The following TYW3 variants were observed in gnomAD, a reference collection of about 807,000 sequenced individuals.
TYW3 encodes tRNA-yW synthesizing protein 3 homolog.
Under a neutral mutation model 23.1 loss-of-function variants are expected in TYW3, and 26 were observed. The ratio of observed to expected loss-of-function variants is 1.13; its 90% CI spans 0.83 to 1.56. The LOEUF is 1.56. Among genes scored for constraint, TYW3 ranks in the 40% most tolerant of loss-of-function variants. The pLI, the probability that TYW3 is intolerant of heterozygous loss-of-function variation, is 0.00. For synonymous variants in TYW3, 102 were observed against 105.7 expected, an observed-to-expected ratio of 0.97 and a Z score of 0.21; for missense variants, 316 against 311.9, an observed-to-expected ratio of 1.01 and a Z score of -0.10.
chr1:74,745,666 G>A (rs919127662), intron 3 of TYW3, among the ~76,000 whole-genome samples: 2 of 152,228 alleles, frequency 1.3e-5, no homozygotes, highest in Non-Finnish European at 2.9e-5. Flanking sequence ...AATCAAGAAT[G>A]TGATTCATAT....
intron 4 of TYW3, among the ~76,000 whole-genome samples, chr1:74,751,953 T>C (rs527417679): frequency 6.6e-6 from 1 of 152,322 alleles, no homozygotes; most frequent in South Asian, 2.1e-4. Context: ...GAGATTTCTG[T>C]TGAGGTTTTC....
intron 4 of TYW3, chr1:74,751,242 G>A (rs1648776984): frequency 1.3e-5 from 2 of 152,144 alleles, no homozygotes; most frequent in Admixed American, 1.3e-4. Flanking sequence ...CAGTGTGTGT[G>A]TATGTGTGTG....
intron 5 of TYW3, among the ~76,000 whole-genome samples, chr1:74,759,464 C>G (rs953180621): frequency 3.3e-5 from 5 of 151,574 alleles, no homozygotes; most frequent in Admixed American, 2.6e-4. Context: ...ATTGTCACAC[C>G]TTAGCCTCCC....
At chr1:74,748,727 G>T in intron 3 of TYW3, 24 bp from the exon 4 acceptor site, 2 of 1,608,220 alleles carry the variant, frequency 1.2e-6, no homozygotes, top group South Asian at 1.1e-5. Context: ...GTATCAAAAT[G>T]TAACAAGTTT....
Position 74,748,813 on chromosome 1 carries a change from A to C in TYW3, c.417A>C (p.Lys139Asn), listed in dbSNP as rs769972492. 1 of 1,614,002 alleles carries C rather than the reference A, an allele frequency of 6.2e-7. No homozygotes were observed. Among genetic ancestry groups the C allele is most frequent in the Non-Finnish European group, 8.5e-7 (1 of 1,179,924 alleles). The change falls in exon 4 of 6, where the codon AAA becomes AAC. Residue 139 changes from lysine to asparagine, a missense_variant. Transcript: ENST00000370867. ...NSGITVGKRG[K>N]TMLAVRSTHG... The stretch of plus-strand genomic sequence containing the variant: ...GCATAACGGTGGGAAAGAGAGGAAA[A>C]ACTATGTTGGTAAGATATTTTGTCA...
intron 2 of TYW3, 111 bp from the exon 3 acceptor site, chr1:74,738,579 T>C (rs958954149): frequency 1.7e-5 from 10 of 602,044 alleles, no homozygotes; most frequent in Non-Finnish European, 2.4e-5. Context: ...AGAAAAAATA[T>C]GCTGAGTGAT....
Position 74,763,922 on chromosome 1 carries a change from G to A in TYW3, c.589G>A (p.Glu197Lys), listed in dbSNP as rs1347091799. The change falls in exon 6 of 6, where the codon GAA (glutamate) becomes AAA (lysine). Residue 197 changes from glutamate (E) to lysine (K), a missense_variant. Physicochemically the swap from Glu to Lys is moderately conservative, Grantham distance 56 (BLOSUM62 1). Transcript: ENST00000370867. ...RFYNCLQHAL[E>K]RETMTNLHPK... ...TTACAACTGCCTACAGCATGCTTTGGAAAGGGAAACGATGACTAACTTACA... is the reference window on the plus strand; with the variant it reads ...TTACAACTGCCTACAGCATGCTTTGAAAAGGGAAACGATGACTAACTTACA... 6.2e-7 allele frequency: 1 copy of A among 1,603,850 alleles called. No individual in the cohort carries two copies. The highest frequency in any genetic ancestry group is 8.5e-7 in the Non-Finnish European group (1 of 1,177,360).
At chr1:74,743,694 G>A (rs1410880073) in intron 3 of TYW3, among the ~76,000 whole-genome samples, 1 of 152,166 alleles carries the variant, frequency 6.6e-6, no homozygotes, top group Non-Finnish European at 1.5e-5. Context: ...CCAGTGGGGA[G>A]CCATACTGGG....
chr1:74,751,894 C>T lies in TYW3; in HGVS notation c.427-398C>T, dbSNP rs371023535. On this transcript the variant is annotated intron_variant, in intron 4 of 5. Transcript: ENST00000370867. The stretch of plus-strand genomic sequence containing the variant: ...TTTACTCTTGTAACTGTGCTCTGCT[C>T]CAAGAGCACTGAGACCCTTTGGCAT... Among the ~76,000 whole-genome samples, 169 of 152,284 alleles carry T rather than the reference C, an allele frequency of 1.1e-3. 3 individuals are homozygous for T. The highest frequency in any genetic ancestry group is 3.4e-3 in the Middle Eastern group (1 of 294).
chr1:74,737,694 C>T (rs74095169), intron 2 of TYW3, among the ~76,000 whole-genome samples: 7,491 of 152,210 alleles, frequency 0.049, 365 homozygotes, highest in African/African-American at 0.12. Context: ...GGTCAGACTA[C>T]GCCGCAGGAT....
At chr1:74,763,057 G>A (rs879521983) in intron 5 of TYW3, among the ~76,000 whole-genome samples, 8 of 152,002 alleles carry the variant, frequency 5.3e-5, no homozygotes, top group Non-Finnish European at 1.0e-4. Context: ...AAAATAATGC[G>A]ATATCATTTT....
At position 74,752,329 on chromosome 1, in the gene TYW3, G is replaced by A. The variant is rs1210032360; in HGVS notation, c.464G>A (p.Ser155Asn). The A allele has an allele frequency of 6.2e-7, 1 of 1,612,918 alleles. No individual in the cohort carries two copies. The highest frequency in any genetic ancestry group is 8.5e-7 in the Non-Finnish European group (1 of 1,179,488). Residue 155 changes from serine (S) to asparagine (N), a missense_variant, in exon 5 of 6, where the codon AGC (serine) becomes AAC (asparagine). Ser to Asn is a conservative substitution (Grantham distance 46). Transcript: ENST00000370867. ...RSTHGLEVPL[S>N]HKGKLMVTEE... ...ACACATGGCTTAGAAGTTCCATTAA[G>A]CCATAAGGGAAAACTGATGGTGACA...
At chr1:74,751,087 C>G (rs550198270) in intron 4 of TYW3, 2 of 152,184 alleles carry the variant, frequency 1.3e-5, no homozygotes, top group East Asian at 3.9e-4. Flanking sequence ...GTTGGGATTA[C>G]AGGCGTGAGC....
At chr1:74,740,893 A>T (rs957188477) in intron 3 of TYW3, among the ~76,000 whole-genome samples, 1 of 152,226 alleles carries the variant, frequency 6.6e-6, no homozygotes, top group Non-Finnish European at 1.5e-5. Flanking sequence ...CTTGACCCAG[A>T]AAGTCCAGCT....
intron 5 of TYW3, among the ~76,000 whole-genome samples, chr1:74,759,402 G>T (rs1318291451): frequency 6.7e-6 from 1 of 148,784 alleles, no homozygotes; most frequent in African/African-American, 2.5e-5. Context: ...TAGAGATGAG[G>T]TCTTTCTATG....
chr1:74,744,623 A>G (rs374207230), intron 3 of TYW3, among the ~76,000 whole-genome samples: 7 of 152,168 alleles, frequency 4.6e-5, no homozygotes, highest in Non-Finnish European at 8.8e-5. Flanking sequence ...AATGTGTCCC[A>G]TCTGGGTCGC....
chr1:74,760,644 C>G (rs553330049), intron 5 of TYW3, among the ~76,000 whole-genome samples: 40 of 152,306 alleles, frequency 2.6e-4, no homozygotes, highest in African/African-American at 8.7e-4. Flanking sequence ...AAACCATGAG[C>G]TCCTTGAGGG....
intron 4 of TYW3, among the ~76,000 whole-genome samples, chr1:74,751,729 A>G (rs544098516): frequency 2.6e-5 from 4 of 152,056 alleles, no homozygotes; most frequent in Non-Finnish European, 4.4e-5. Context: ...ATTTTTATAG[A>G]CCTTGTATGG....
intron 2 of TYW3, 34 bp from the exon 3 acceptor site, chr1:74,738,656 T>C (rs375990626): frequency 4.6e-6 from 7 of 1,515,662 alleles, no homozygotes; most frequent in Non-Finnish European, 6.3e-6. Context: ...ACAGGCCATA[T>C]ACTTGCATCT....
Sources: allele counts gnomAD v4.1 joint callset (sites outside exome capture counted in the v4.1 genomes callset), GRCh38; gene constraint gnomAD v4.1.1; transcripts MANE v1.5; gene names NCBI Gene and HGNC (gene_info 2026-07-23, HGNC 2026-07-21).